Variants in FANCC observed in about 807,000 individuals in gnomAD.
The protein encoded by FANCC is FA complementation group C.
A neutral mutation model predicts 71.3 loss-of-function variants in FANCC; 55 were observed. The ratio of observed to expected loss-of-function variants is 0.77; its 90% CI spans 0.62 to 0.97. FANCC has a LOEUF of 0.97. Ranked by LOEUF, FANCC falls within the 50% of genes least tolerant of loss-of-function variation. The pLI is 0.00. For missense variants in FANCC, 678 were observed against 670.9 expected (o/e 1.01, Z -0.12); for synonymous variants, 275 against 244.9 (o/e 1.12, Z -1.15).
At chr9:95,312,355 CTGT>C (rs1421091648) in intron 1 of FANCC, among the ~76,000 whole-genome samples, 2 of 152,142 alleles carry the variant, frequency 1.3e-5, no homozygotes, top group Non-Finnish European at 1.5e-5. Context: ...TAAATAATTA[CTGT>C]TGTTGTTGTC....
intron 10 of FANCC, among the ~76,000 whole-genome samples, chr9:95,122,746 C>T (rs2072986372): frequency 6.6e-6 from 1 of 152,178 alleles, no homozygotes; most frequent in Non-Finnish European, 1.5e-5. Context: ...GGCACTCCTC[C>T]GTGGCCTCTG....
At chr9:95,261,821 G>A (rs377712251) in intron 1 of FANCC, among the ~76,000 whole-genome samples, 2 of 152,214 alleles carry the variant, frequency 1.3e-5, no homozygotes, top group East Asian at 1.9e-4. Flanking sequence ...GCAGTGTCCA[G>A]TGAAGGACCC....
chr9:95,166,399 G>C (rs967552126), intron 6 of FANCC, among the ~76,000 whole-genome samples: 1 of 150,890 alleles, frequency 6.6e-6, no homozygotes, highest in Non-Finnish European at 1.5e-5. Context: ...GTATTTTCTT[G>C]TTGTTACCAT....
At chr9:95,202,976 T>C (rs1481787859) in intron 4 of FANCC, among the ~76,000 whole-genome samples, 1 of 152,206 alleles carries the variant, frequency 6.6e-6, no homozygotes, top group Non-Finnish European at 1.5e-5. Context: ...TGGGTCCAGA[T>C]TATGTCAAAC....
rs1830058618 is a variant in FANCC, at chr9:95,149,944, G to T, written c.665C>A (p.Ala222Asp). The change falls in exon 7 of 15, where the codon GCT (alanine) becomes GAT (aspartate). Residue 222 changes from alanine (A) to aspartate (D), a missense_variant. By Grantham distance (126) the Ala-to-Asp change is moderately radical. Transcript: ENST00000289081. ...TTACAGCAAAATGGCCTCGTTTACA[G>T]CCTCAAAGAACTCTGGCTGGAGGAT... ...QEILQPEFFEAVNEAILLKKI... is the reference protein window; with the variant it reads ...QEILQPEFFEDVNEAILLKKI... The T allele has an allele frequency of 6.2e-7, 1 of 1,608,622 alleles. No individual in the cohort carries two copies. Among genetic ancestry groups the T allele is most frequent in the African/African-American group, 1.3e-5 (1 of 75,002 alleles).
intron 7 of FANCC, among the ~76,000 whole-genome samples, chr9:95,138,025 C>T (rs779450442): frequency 1.3e-5 from 2 of 152,230 alleles, no homozygotes; most frequent in Non-Finnish European, 2.9e-5. Flanking sequence ...AGGCTGCCAA[C>T]GGGCAAGGCG....
chr9:95,239,059 C>A (rs1830488440), intron 4 of FANCC, among the ~76,000 whole-genome samples: 1 of 152,174 alleles, frequency 6.6e-6, no homozygotes, highest in African/African-American at 2.4e-5. Flanking sequence ...CCATACTTTG[C>A]ATAGTCTGTT....
chr9:95,235,502 T>C (rs1421672276), intron 4 of FANCC, among the ~76,000 whole-genome samples: 2 of 152,126 alleles, frequency 1.3e-5, no homozygotes, highest in Non-Finnish European at 1.5e-5. Flanking sequence ...TTTTAGAAGA[T>C]AATATGGAAG....
At chr9:95,114,745 G>T in intron 11 of FANCC, 35 bp from the exon 12 acceptor site, 6 of 1,589,758 alleles carry the variant, frequency 3.8e-6, no homozygotes, top group Non-Finnish European at 5.2e-6. Flanking sequence ...GAGGGCAACT[G>T]AGGAAATGTC....
chr9:95,185,459 T>A (rs1427654170), intron 4 of FANCC, among the ~76,000 whole-genome samples: 1 of 152,202 alleles, frequency 6.6e-6, no homozygotes, highest in African/African-American at 2.4e-5. Flanking sequence ...ATGAAGACAG[T>A]CTAAGCTTAG....
intron 4 of FANCC, among the ~76,000 whole-genome samples, chr9:95,182,529 C>A (rs547176422): frequency 6.6e-6 from 1 of 152,098 alleles, no homozygotes; most frequent in Non-Finnish European, 1.5e-5. Context: ...CCAAGAAAAA[C>A]GTGCTTATAA....
chr9:95,293,469 G>T (rs939046374), intron 1 of FANCC: 2 of 1,572,234 alleles, frequency 1.3e-6, no homozygotes, highest in East Asian at 4.5e-5. Context: ...TCCTGTTGCT[G>T]TTGAGCCAAT....
intron 13 of FANCC, among the ~76,000 whole-genome samples, chr9:95,108,117 T>C (rs2071602188): frequency 6.6e-6 from 1 of 152,176 alleles, no homozygotes; most frequent in Admixed American, 6.5e-5. Flanking sequence ...CCATGACCGA[T>C]TTTATGGATT....
At chr9:95,124,159 CTATTTGACGTTG>C (rs1825585233) in intron 10 of FANCC, among the ~76,000 whole-genome samples, 2 of 144,494 alleles carry the variant, frequency 1.4e-5, no homozygotes, top group Non-Finnish European at 3.0e-5. Context: ...CCTGAGAGAT[CTATTTGACGTTG>C]GCGGGGGGTG....
intron 1 of FANCC, among the ~76,000 whole-genome samples, chr9:95,271,416 T>C (rs1282484014): frequency 1.3e-5 from 2 of 152,052 alleles, no homozygotes; most frequent in South Asian, 2.1e-4. Flanking sequence ...GCAGAGCAAG[T>C]TGGAGACAGA....
At chr9:95,183,192 C>T (rs1293145984) in intron 4 of FANCC, among the ~76,000 whole-genome samples, 2 of 152,188 alleles carry the variant, frequency 1.3e-5, no homozygotes, top group Non-Finnish European at 2.9e-5. Flanking sequence ...TCACCTTTCT[C>T]TAGGATTCCT....
intron 7 of FANCC, among the ~76,000 whole-genome samples, chr9:95,137,617 G>A (rs888382649): frequency 3.3e-5 from 5 of 152,200 alleles, no homozygotes; most frequent in African/African-American, 4.8e-5. Flanking sequence ...TTTGAGGTGT[G>A]TGGATTTGGA....
At chr9:95,197,929 A>T (rs1208660956) in intron 4 of FANCC, among the ~76,000 whole-genome samples, 1 of 152,202 alleles carries the variant, frequency 6.6e-6, no homozygotes, top group Non-Finnish European at 1.5e-5. Flanking sequence ...CAAAAATAGT[A>T]GTCAAGTAGG....
At chr9:95,166,409 T>C (rs1433405077) in intron 6 of FANCC, among the ~76,000 whole-genome samples, 1 of 152,116 alleles carries the variant, frequency 6.6e-6, no homozygotes, top group Non-Finnish European at 1.5e-5. Flanking sequence ...GTTGTTACCA[T>C]GGGCATTACA....
Sources: allele counts gnomAD v4.1 joint callset (sites outside exome capture counted in the v4.1 genomes callset), GRCh38; gene constraint gnomAD v4.1.1; transcripts MANE v1.5; gene names NCBI Gene and HGNC (gene_info 2026-07-23, HGNC 2026-07-21).